PER3: variants seen among roughly 807,000 people sequenced by gnomAD.
PER3 encodes period circadian protein homolog 3.
In PER3, 107 loss-of-function variants were observed where a neutral mutation model predicts 127.2. The observed-to-expected ratio is 0.84, with a 90% CI of 0.72 to 0.99. The LOEUF (loss-of-function observed/expected upper bound fraction) is 0.99, where lower values mean the gene tolerates loss of function less well. Among genes scored for constraint, PER3 ranks in the 50% least tolerant of loss-of-function variants. The pLI is 0.00. For missense variants in PER3, 1,560 were observed against 1,525.8 expected (o/e 1.02, Z -0.37); for synonymous variants, 618 against 585.8 (o/e 1.05, Z -0.79).
chr1:7,842,540 G>T, intron 21 of PER3, 132 bp from the exon 22 acceptor site: 1 of 843,530 alleles, frequency 1.2e-6, no homozygotes, highest in Non-Finnish European at 1.6e-6. Flanking sequence ...AATAAAGAAT[G>T]AACTATAATG....
In PER3 at chr1:7,788,411, T is replaced by G. The variant is rs978356097; in HGVS notation, c.592+165T>G. On this transcript the variant is annotated intron_variant, in intron 5 of 21. Transcript: ENST00000377532. ...TGATGAAAACAGCATTTTAAAAGCTTCTGATAACATACTCAATACGTTTGT... is the reference window on the plus strand; with the variant it reads ...TGATGAAAACAGCATTTTAAAAGCTGCTGATAACATACTCAATACGTTTGT... 21 of 600,734 alleles carry G rather than the reference T, an allele frequency of 3.5e-5. No individual in the cohort carries two copies. In the South Asian group the frequency reaches 3.9e-4, roughly 11 times the overall value. The allele number at this position is 600,734 out of a possible 1,614,324, so 37.2% of individuals were successfully genotyped here.
chr1:7,797,438 C>G (rs560315639), intron 6 of PER3, among the ~76,000 whole-genome samples: 1 of 152,196 alleles, frequency 6.6e-6, no homozygotes, highest in South Asian at 2.1e-4. Context: ...AGTTTGAGAC[C>G]AGCCTGACGA....
chr1:7,796,964 A>G (rs533366441), intron 6 of PER3, among the ~76,000 whole-genome samples: 15 of 152,140 alleles, frequency 9.9e-5, no homozygotes, highest in South Asian at 2.1e-4. Context: ...AGGAAAATCA[A>G]CTTCCTGGAG....
At chr1:7,812,281 GCT>G (rs1034039348) in intron 13 of PER3, among the ~76,000 whole-genome samples, 5 of 151,652 alleles carry the variant, frequency 3.3e-5, no homozygotes, top group Non-Finnish European at 1.5e-5. Flanking sequence ...TTTTTTGAAG[GCT>G]ATATCTTTAA....
intron 8 of PER3, among the ~76,000 whole-genome samples, chr1:7,801,467 C>T (rs1323638617): frequency 1.3e-5 from 2 of 152,140 alleles, no homozygotes; most frequent in Non-Finnish European, 1.5e-5. Context: ...ATGAACCCAC[C>T]GGCCAGTTTG....
rs1282772213 is a variant in PER3 at position 7,801,125 on chromosome 1, C to T, written c.806C>T (p.Pro269Leu). Reference sequence around the variant, plus strand: ...TTTTTTTCCTTAGCTCCTCGGATCCCAGTGAATAAAAGAATCTTCACCACC... The same window carrying T: ...TTTTTTTCCTTAGCTCCTCGGATCCTAGTGAATAAAAGAATCTTCACCACC... ...IHSGYEAPRIPVNKRIFTTTH... is the reference protein window; with the variant it reads ...IHSGYEAPRILVNKRIFTTTH... Residue 269 changes from proline to leucine, a missense_variant, in exon 8 of 22, where the codon CCA becomes CTA. Around this residue, in one of 3 missense-constraint regions of PER3, gnomAD observed 1,332 missense variants for 1,223.6 expected, o/e 1.09. Transcript: ENST00000377532. The T allele has an allele frequency of 2.5e-6, 4 of 1,604,104 alleles. No individual in the cohort carries two copies. Among genetic ancestry groups the T allele is most frequent in the Non-Finnish European group, 2.6e-6 (3 of 1,173,768 alleles).
chr1:7,842,783 C>A lies in PER3; in HGVS notation c.*28C>A. The A allele has an allele frequency of 6.2e-7, 1 of 1,601,228 alleles. No individual in the cohort carries two copies. Among genetic ancestry groups the A allele is most frequent in the Non-Finnish European group, 8.5e-7 (1 of 1,170,394 alleles). Reference sequence around the variant, plus strand: ...GACTGTGAGGATGAACCTTCATACCCTTTCCAAGACGTGTTACACAGACAG... The same window carrying A: ...GACTGTGAGGATGAACCTTCATACCATTTCCAAGACGTGTTACACAGACAG... On this transcript the variant is annotated 3_prime_UTR_variant, in exon 22 of 22. Coordinates refer to ENST00000377532, the MANE Select transcript of PER3 (RefSeq NM_001377275.1).
chr1:7,809,791 C>T (rs898273002), intron 11 of PER3, 102 bp from the exon 12 acceptor site: 5 of 1,111,442 alleles, frequency 4.5e-6, no homozygotes, highest in Non-Finnish European at 3.9e-6. Context: ...TTTAGTATTT[C>T]AGGAATTGTC....
intron 16 of PER3, among the ~76,000 whole-genome samples, chr1:7,824,835 G>A (rs1463496679): frequency 2.0e-5 from 3 of 152,128 alleles, no homozygotes; most frequent in Non-Finnish European, 2.9e-5. Flanking sequence ...GATGGGAACC[G>A]GCACTATTCC....
chr1:7,806,810 A>ATATATATATATATATATAT (rs60458932), intron 10 of PER3, among the ~76,000 whole-genome samples: 1 of 75,260 alleles, frequency 1.3e-5, no homozygotes, highest in African/African-American at 5.2e-5. Context: ...AAAAAAAAAA[A>ATATATATATATATATATAT]AAATATATAT....
Position 7,786,735 on chromosome 1 carries a change from T to C in PER3, c.289T>C (p.Phe97Leu), listed in dbSNP as rs143428088. The change falls in exon 4 of 22, where the codon TTC (phenylalanine) becomes CTC (leucine). Residue 97 changes from phenylalanine to leucine, a missense_variant. Phe to Leu is a conservative substitution (Grantham distance 22, BLOSUM62 0). Coordinates refer to ENST00000377532, the MANE Select transcript of PER3 (RefSeq NM_001377275.1). ...GTGTTTCTTAGCAAACAGTGAGTTT[T>C]TCCAGATTCTCAGTCAGAATGGAGC... is the stretch of plus-strand genomic sequence containing the variant. ...VHSVQANSEF[F>L]QILSQNGAPQ... 6.2e-7 allele frequency: 1 copy of C among 1,600,032 alleles called. No homozygotes were observed. The highest frequency in any genetic ancestry group is 8.6e-7 in the Non-Finnish European group (1 of 1,167,090).
chr1:7,787,951 T>C (rs1203479911), intron 4 of PER3, 94 bp from the exon 5 acceptor site: 38 of 863,098 alleles, frequency 4.4e-5, no homozygotes, highest in Non-Finnish European at 7.1e-5. Flanking sequence ...TTTAAGATAC[T>C]GGTCATGTTA....
At chr1:7,811,814 T>C (rs1241621687) in intron 13 of PER3, among the ~76,000 whole-genome samples, 2 of 152,192 alleles carry the variant, frequency 1.3e-5, no homozygotes, top group African/African-American at 2.4e-5. Flanking sequence ...GTAGAGCCCA[T>C]TGGACTCCCC....
chr1:7,785,717 C>A, intron 3 of PER3, 131 bp downstream of exon 3: 2 of 661,552 alleles, frequency 3.0e-6, no homozygotes, highest in Admixed American at 2.8e-5. Context: ...GGAAGATGAG[C>A]AAATCTACAC....
rs2097212316 is a variant in PER3 at position 7,810,016 on chromosome 1, G to A, written c.1366G>A (p.Glu456Lys). Residue 456 changes from glutamate to lysine, a missense_variant, in exon 12 of 22, where the codon GAG becomes AAG. Glu to Lys is a moderately conservative substitution (Grantham distance 56). Around this residue, in one of 3 missense-constraint regions of PER3, gnomAD observed 1,332 missense variants for 1,223.6 expected, o/e 1.09. Coordinates refer to ENST00000377532, the MANE Select transcript of PER3 (RefSeq NM_001377275.1). ...SGHRVEETKA[E>K]QMTLQQVYAS... ...GCACCGTGTGGAGGAGACGAAGGCG[G>A]AGCAGGTGCATGGGCTTATGTCACA... 3 of 1,613,454 alleles carry A rather than the reference G, an allele frequency of 1.9e-6. No individual in the cohort carries two copies. In the East Asian group the frequency reaches 6.7e-5, roughly 36 times the overall value.
In PER3 at chr1:7,790,766, A is replaced by G. The variant is rs1235464146; in HGVS notation, c.592+2520A>G. On this transcript the variant is annotated intron_variant, in intron 5 of 21. Coordinates refer to ENST00000377532, the MANE Select transcript of PER3 (RefSeq NM_001377275.1). Reference sequence around the variant, plus strand: ...TACAATAGACGTACAAGCATTGGGTAAATACACCCATTTCAAATGGGAGAA... The same window carrying G: ...TACAATAGACGTACAAGCATTGGGTGAATACACCCATTTCAAATGGGAGAA... Among the ~76,000 whole-genome samples the G allele has an allele frequency of 2.3e-4, 35 of 152,378 alleles. 1 individual carries two copies. The highest frequency in any genetic ancestry group is 7.7e-4 in the African/African-American group (32 of 41,592).
chr1:7,826,805 T>C lies in PER3; in HGVS notation c.2188+95T>C, dbSNP rs545290743. ...AGATAAGGAGTGAACAATAGGAGTTTTACTTGTAAGAAACTGATGGAGAGA... is the reference window on the plus strand; with the variant it reads ...AGATAAGGAGTGAACAATAGGAGTTCTACTTGTAAGAAACTGATGGAGAGA... On this transcript the variant is annotated intron_variant, in intron 17 of 21. Coordinates refer to ENST00000377532, the MANE Select transcript of PER3 (RefSeq NM_001377275.1). The surrounding 1 kb of genome is among the most constrained non-coding windows in gnomAD (Gnocchi z 4.2). 1 of 746,604 alleles carries C rather than the reference T, an allele frequency of 1.3e-6. No individual in the cohort carries two copies. Among genetic ancestry groups the C allele is most frequent in the Non-Finnish European group, 2.3e-6 (1 of 441,280 alleles). 46.2% of individuals were successfully genotyped at this position (746,604 alleles called of 1,614,324 possible). A position where few individuals can be genotyped will look rare whatever the true frequency, so the allele number is the denominator to read the frequency against.
At chr1:7,841,422 C>CA (rs1383190181) in intron 21 of PER3, among the ~76,000 whole-genome samples, 2 of 152,046 alleles carry the variant, frequency 1.3e-5, no homozygotes, top group Non-Finnish European at 2.9e-5. Context: ...CCTTATTGCC[C>CA]ACTCTGACTC....
At chr1:7,804,009 C>T in intron 10 of PER3, 161 bp downstream of exon 10, 1 of 540,372 alleles carries the variant, frequency 1.9e-6, no homozygotes, top group South Asian at 2.9e-5. Context: ...GTACCGTGAG[C>T]CTTAAAAGAA....
Sources: gnomAD v4.1 joint callset for allele counts (sites outside exome capture counted in the v4.1 genomes callset) on GRCh38, gnomAD v4.1.1 for gene constraint, gnomAD v4.1.1 regional missense constraint, Gnocchi (gnomAD v3.1) non-coding constraint, MANE v1.5 for transcripts, NCBI Gene and HGNC (gene_info 2026-07-23, HGNC 2026-07-21) for gene names.